The following DOCK10 variants were observed in gnomAD, a reference collection of about 807,000 sequenced individuals.
DOCK10 encodes the protein dedicator of cytokinesis protein 10.
In DOCK10, 145 loss-of-function variants were observed where a neutral mutation model predicts 280.1. The ratio of observed to expected loss-of-function variants is 0.52; its 90% CI spans 0.45 to 0.59. The LOEUF is 0.59. Among genes scored for constraint, DOCK10 ranks in the 20% least tolerant of loss-of-function variants. DOCK10 has a pLI of 0.00. For synonymous variants in DOCK10, 915 were observed against 942.2 expected (o/e 0.97, Z 0.53); for missense variants, 2,368 against 2,651.7 (o/e 0.89, Z 2.35).
At chr2:225,037,678 C>T (rs1690297866) in intron 1 of DOCK10, among the ~76,000 whole-genome samples, 1 of 152,212 alleles carries the variant, frequency 6.6e-6, no homozygotes. Context: ...GAATGCTTGA[C>T]ACTGTGCCAG....
chr2:224,983,702 T>C (rs1705870689), intron 1 of DOCK10: 1 of 465,950 alleles, frequency 2.1e-6, no homozygotes, highest in South Asian at 1.6e-5. Flanking sequence ...ATCGTTTTAA[T>C]TGGTATGTTC....
rs1013562842 is a variant in DOCK10 at position 224,805,732 on chromosome 2, T to C, written c.3815-203A>G. The stretch of plus-strand genomic sequence containing the variant: ...TAGTAAAAGTTCATAAAGATACTTT[T>C]GGGAAGGGGCTTTCAACTTTTGACT... On this transcript the variant is annotated intron_variant, in intron 34 of 55. Coordinates refer to ENST00000258390, the MANE Select transcript of DOCK10 (RefSeq NM_014689.3). This position sits in a 1 kb window ranked among gnomAD's most constrained non-coding sequence, Gnocchi z 4.3. 6.6e-6 allele frequency among the ~76,000 whole-genome samples: 1 copy of C among 152,154 alleles called. No homozygotes were observed. Among genetic ancestry groups the C allele is most frequent in the Non-Finnish European group, 1.5e-5 (1 of 68,006 alleles).
intron 1 of DOCK10, among the ~76,000 whole-genome samples, chr2:224,996,221 C>T (rs946181849): frequency 1.3e-5 from 2 of 152,166 alleles, no homozygotes; most frequent in African/African-American, 4.8e-5. Flanking sequence ...CACTAGGAGT[C>T]GGCTGGGGGT....
intron 1 of DOCK10, among the ~76,000 whole-genome samples, chr2:224,961,556 G>T (rs1704451138): frequency 6.8e-6 from 1 of 147,990 alleles, no homozygotes; most frequent in African/African-American, 2.5e-5. Context: ...TGCCAGGCTG[G>T]AGTGCAGTGG....
At chr2:224,820,443 C>T (rs925103944) in intron 28 of DOCK10, among the ~76,000 whole-genome samples, 1 of 152,252 alleles carries the variant, frequency 6.6e-6, no homozygotes, top group Non-Finnish European at 1.5e-5. Flanking sequence ...CATAGTGGAT[C>T]TGCAGCTCAT....
At chr2:224,990,799 A>G (rs1418718189) in intron 1 of DOCK10, among the ~76,000 whole-genome samples, 1 of 152,174 alleles carries the variant, frequency 6.6e-6, no homozygotes, top group Non-Finnish European at 1.5e-5. Context: ...ATAATATAAT[A>G]ATACCTCACT....
chr2:224,807,449 A>G, intron 33 of DOCK10: 1 of 406,890 alleles, frequency 2.5e-6, no homozygotes. Context: ...TACAGAGAAC[A>G]GAGAGAAATG....
chr2:224,960,541 T>C (rs547562425), intron 1 of DOCK10, among the ~76,000 whole-genome samples: 36 of 152,232 alleles, frequency 2.4e-4, no homozygotes, highest in African/African-American at 8.2e-4. Context: ...ATTTCTTCCA[T>C]ATGTCCTTTC....
At chr2:224,890,858 G>A (rs147093457) in intron 4 of DOCK10, among the ~76,000 whole-genome samples, 1 of 152,180 alleles carries the variant, frequency 6.6e-6, no homozygotes, top group Admixed American at 6.5e-5. Context: ...CACGTGTACT[G>A]TGGTCAAAAG....
intron 23 of DOCK10, among the ~76,000 whole-genome samples, chr2:224,840,553 C>T (rs1040039778): frequency 6.6e-6 from 1 of 152,130 alleles, no homozygotes; most frequent in Admixed American, 6.5e-5. Flanking sequence ...ATTAAAACCA[C>T]AGTGGGACAT....
chr2:224,866,674 T>G (rs992921520), intron 11 of DOCK10, among the ~76,000 whole-genome samples: 1 of 152,198 alleles, frequency 6.6e-6, no homozygotes, highest in Non-Finnish European at 1.5e-5. Context: ...TATTCCATCA[T>G]ACGGATGAGC....
At chr2:224,775,364 G>A in intron 51 of DOCK10, among the ~76,000 whole-genome samples, 1 of 152,236 alleles carries the variant, frequency 6.6e-6, no homozygotes. Context: ...TCTTCCAGAT[G>A]TGCCTGGCTG....
At chr2:224,908,082 CACTT>C (rs1398913363) in intron 3 of DOCK10, among the ~76,000 whole-genome samples, 1 of 146,508 alleles carries the variant, frequency 6.8e-6, no homozygotes. Context: ...GTGTGTGAGA[CACTT>C]AGGAACATCG....
intron 1 of DOCK10, among the ~76,000 whole-genome samples, chr2:224,993,375 T>G (rs1011804950): frequency 3.3e-5 from 5 of 152,166 alleles, no homozygotes; most frequent in African/African-American, 1.2e-4. Flanking sequence ...ATAATCCAAA[T>G]GGAGCACTTG....
chr2:224,943,762 T>C (rs1246853962), intron 1 of DOCK10, among the ~76,000 whole-genome samples: 1 of 57,170 alleles, frequency 1.7e-5, no homozygotes, highest in East Asian at 3.7e-4. Context: ...TTTTCTTTTC[T>C]TTTTTTTTTT....
intron 19 of DOCK10, 107 bp from the exon 20 acceptor site, chr2:224,845,749 C>A (rs905781528): frequency 2.8e-5 from 30 of 1,066,506 alleles, no homozygotes; most frequent in Non-Finnish European, 3.9e-5. Flanking sequence ...TTTGAGACTG[C>A]GTCTTACTCT....
At chr2:224,988,719 T>C (rs1361809972) in intron 1 of DOCK10, among the ~76,000 whole-genome samples, 2 of 152,208 alleles carry the variant, frequency 1.3e-5, no homozygotes, top group African/African-American at 2.4e-5. Flanking sequence ...CAGCTAACAA[T>C]TGAGCAGATT....
chr2:224,773,880 T>C (rs1192106282), intron 52 of DOCK10, among the ~76,000 whole-genome samples: 7 of 152,150 alleles, frequency 4.6e-5, no homozygotes, highest in Non-Finnish European at 1.5e-5. Context: ...TCCGCCCGCC[T>C]CTGCCTCCCA....
chr2:224,987,799 C>T (rs2126265408), intron 1 of DOCK10, among the ~76,000 whole-genome samples: 1 of 152,242 alleles, frequency 6.6e-6, no homozygotes, highest in Middle Eastern at 3.4e-3. Context: ...CTGACAGAAC[C>T]TACAGTCAAT....
Sources: gnomAD v4.1 joint callset for allele counts (sites outside exome capture counted in the v4.1 genomes callset) on GRCh38, gnomAD v4.1.1 for gene constraint, Gnocchi (gnomAD v3.1) non-coding constraint, MANE v1.5 for transcripts, NCBI Gene and HGNC (gene_info 2026-07-23, HGNC 2026-07-21) for gene names.